The following CCDC63 variants were observed in gnomAD, a reference collection of about 807,000 sequenced individuals.
CCDC63 encodes coiled-coil domain-containing protein 63.
A neutral mutation model predicts 63.6 loss-of-function variants in CCDC63; 54 were observed. The observed-to-expected ratio is 0.85, with a 90% CI of 0.68 to 1.07. The LOEUF (loss-of-function observed/expected upper bound fraction) is 1.07, where lower values mean the gene tolerates loss of function less well. Among genes scored for constraint, CCDC63 ranks in the 50% least tolerant of loss-of-function variants. The pLI is 0.00. For missense variants in CCDC63, 637 were observed against 689.6 expected, an observed-to-expected ratio of 0.92 and a Z score of 0.86; for synonymous variants, 253 against 266.1, an observed-to-expected ratio of 0.95 and a Z score of 0.48.
intron 11 of CCDC63, among the ~76,000 whole-genome samples, chr12:110,905,811 C>T (rs2071552149): frequency 7.5e-6 from 1 of 132,854 alleles, no homozygotes; most frequent in Admixed American, 9.3e-5. Flanking sequence ...CACAGGCACA[C>T]ACATGCGTGT....
intron 4 of CCDC63, among the ~76,000 whole-genome samples, chr12:110,872,558 C>T (rs978454499): frequency 6.6e-6 from 1 of 152,214 alleles, no homozygotes; most frequent in African/African-American, 2.4e-5. Context: ...ACTACAGTCC[C>T]GGATAATTCA....
intron 8 of CCDC63, among the ~76,000 whole-genome samples, chr12:110,890,157 A>T (rs1396630530): frequency 2.0e-5 from 3 of 152,168 alleles, no homozygotes; most frequent in Non-Finnish European, 4.4e-5. Context: ...AAAAGAAATT[A>T]GCTGGGTGTG....
intron 7 of CCDC63, among the ~76,000 whole-genome samples, chr12:110,881,920 A>T (rs10492013): frequency 0.073 from 11,103 of 152,150 alleles, 472 homozygotes; most frequent in South Asian, 0.16. Flanking sequence ...TGCCAACCCT[A>T]ATTTACAGCA....
chr12:110,853,781 C>T (rs2070736474), intron 3 of CCDC63, among the ~76,000 whole-genome samples: 1 of 152,152 alleles, frequency 6.6e-6, no homozygotes, highest in South Asian at 2.1e-4. Context: ...AATTTCTTGT[C>T]AGAATGCAGG....
intron 4 of CCDC63, among the ~76,000 whole-genome samples, chr12:110,870,565 C>T (rs2071051306): frequency 6.6e-6 from 1 of 152,184 alleles, no homozygotes; most frequent in Non-Finnish European, 1.5e-5. Context: ...TTTCCCTGCA[C>T]CCCAAGAGGA....
rs1566131991 is a variant in CCDC63 at position 110,884,167 on chromosome 12, G to A, written c.991G>A (p.Glu331Lys). Residue 331 changes from glutamate to lysine, a missense_variant, in exon 8 of 12, where the codon GAG becomes AAG. Transcript: ENST00000308208. ...CATTGAAGATTTTCTGGCCAAGGAG[G>A]AGAAGAATTTTGCTCGGTTCACGTA... ...QLIEDFLAKE[E>K]KNFARFTYVT... 6.2e-7 allele frequency: 1 copy of A among 1,614,162 alleles called. No individual in the cohort carries two copies. Among genetic ancestry groups the A allele is most frequent in the African/African-American group, 1.3e-5 (1 of 75,034 alleles).
chr12:110,863,631 C>G (rs1566119843), intron 4 of CCDC63, among the ~76,000 whole-genome samples: 1 of 151,044 alleles, frequency 6.6e-6, no homozygotes, highest in Non-Finnish European at 1.5e-5. Flanking sequence ...ACCTTTGCCT[C>G]TCGGGTTCAA....
chr12:110,894,978 G>C (rs2071400103), intron 9 of CCDC63, among the ~76,000 whole-genome samples: 1 of 152,162 alleles, frequency 6.6e-6, no homozygotes, highest in South Asian at 2.1e-4. Flanking sequence ...GCAGTGGCGC[G>C]ATCTCCGCTC....
intron 4 of CCDC63, among the ~76,000 whole-genome samples, chr12:110,861,033 C>T (rs1270557133): frequency 1.3e-5 from 2 of 152,158 alleles, no homozygotes; most frequent in African/African-American, 4.8e-5. Context: ...AGGCACGTCA[C>T]ATGGCCAGAG....
intron 8 of CCDC63, among the ~76,000 whole-genome samples, chr12:110,886,372 G>A (rs768457370): frequency 6.6e-5 from 10 of 151,848 alleles, no homozygotes; most frequent in Admixed American, 1.3e-4. Context: ...GGTGATACAG[G>A]GAGACTTCGT....
At chr12:110,892,906 A>G (rs2071374793) in intron 8 of CCDC63, among the ~76,000 whole-genome samples, 170 bp from the exon 9 acceptor site, 1 of 151,962 alleles carries the variant, frequency 6.6e-6, no homozygotes, top group East Asian at 1.9e-4. Flanking sequence ...GAAACATCAG[A>G]AGAAAAAAAA....
chr12:110,903,883 G>A (rs2071522937), intron 10 of CCDC63, among the ~76,000 whole-genome samples: 1 of 152,172 alleles, frequency 6.6e-6, no homozygotes, highest in Admixed American at 6.5e-5. Flanking sequence ...GGAGTTTAAG[G>A]TGGGGCTCCC....
intron 8 of CCDC63, among the ~76,000 whole-genome samples, chr12:110,890,315 A>G (rs1057128252): frequency 6.6e-6 from 1 of 151,876 alleles, no homozygotes; most frequent in Non-Finnish European, 1.5e-5. Flanking sequence ...AAAAAAAAAA[A>G]TTTAAAAATT....
chr12:110,902,887 T>A (rs2071507700), intron 10 of CCDC63, among the ~76,000 whole-genome samples: 1 of 149,212 alleles, frequency 6.7e-6, no homozygotes, highest in Non-Finnish European at 1.5e-5. Context: ...CCGGCTAATT[T>A]TTTTTTTTTT....
In CCDC63 at chr12:110,858,057, G is replaced by A. The variant is rs2070797585; in HGVS notation, c.180-529G>A. On this transcript the variant is annotated intron_variant, in intron 3 of 11. Coordinates refer to ENST00000308208, the MANE Select transcript of CCDC63 (RefSeq NM_152591.3). ...GAAAGTGGAGGTTGCAGTGAGCCGA[G>A]ATCATGCCACTGCACTCCAGCCTGG... Among the ~76,000 whole-genome samples, 10 of 151,150 alleles carry A rather than the reference G, an allele frequency of 6.6e-5. No individual in the cohort carries two copies. In the South Asian group the frequency reaches 2.1e-3, roughly 31 times the overall value.
chr12:110,867,372 C>T (rs1267854969), intron 4 of CCDC63, among the ~76,000 whole-genome samples: 4 of 122,340 alleles, frequency 3.3e-5, no homozygotes, highest in Non-Finnish European at 1.8e-5. Flanking sequence ...ACCTCCCTCC[C>T]GGACAGGGCG....
At chr12:110,867,184 C>T in intron 4 of CCDC63, among the ~76,000 whole-genome samples, 1 of 138,792 alleles carries the variant, frequency 7.2e-6, no homozygotes, top group African/African-American at 2.7e-5. Context: ...GCTGACACCC[C>T]CACCTCCCTC....
chr12:110,855,152 A>G (rs1324426027), intron 3 of CCDC63, among the ~76,000 whole-genome samples: 2 of 152,196 alleles, frequency 1.3e-5, no homozygotes, highest in Non-Finnish European at 2.9e-5. Context: ...GCTAGCCCAT[A>G]AGGGACCTCC....
intron 10 of CCDC63, among the ~76,000 whole-genome samples, chr12:110,899,690 CTTT>C (rs60708943): frequency 3.6e-5 from 5 of 138,240 alleles, no homozygotes; most frequent in Admixed American, 7.4e-5. Flanking sequence ...TTAATGCCTT[CTTT>C]TTTTTTTTTT....
Sources: gnomAD v4.1 joint callset for allele counts (sites outside exome capture counted in the v4.1 genomes callset) on GRCh38, gnomAD v4.1.1 for gene constraint, MANE v1.5 for transcripts, NCBI Gene and HGNC (gene_info 2026-07-23, HGNC 2026-07-21) for gene names.